The following ABCD3 variants were observed in gnomAD, a reference collection of about 807,000 sequenced individuals.
ABCD3 encodes the protein ATP-binding cassette sub-family D member 3.
A neutral mutation model predicts 105.5 loss-of-function variants in ABCD3; 41 were observed. The observed-to-expected ratio is 0.39, with a 90% CI of 0.30 to 0.50. The LOEUF (loss-of-function observed/expected upper bound fraction) is 0.50. Ranked by LOEUF, ABCD3 falls within the 20% of genes least tolerant of loss-of-function variation. The probability of loss-of-function intolerance (pLI) is 0.84; values close to 1 mark genes in which losing one functional copy is unlikely to be tolerated. For missense variants in ABCD3, 622 were observed against 806.3 expected (o/e 0.77, Z 2.77); for synonymous variants, 258 against 269.0 (o/e 0.96, Z 0.40).
the ABCD3 span, among the ~76,000 whole-genome samples, chr1:94,391,560 A>G: frequency 1.3e-5 from 2 of 152,108 alleles, no homozygotes; most frequent in Admixed American, 6.5e-5. Context: ...CCATGGCAAT[A>G]TCTTCTGTCA....
intron 10 of ABCD3, among the ~76,000 whole-genome samples, chr1:94,486,333 A>T: frequency 6.6e-6 from 1 of 152,212 alleles, no homozygotes; most frequent in East Asian, 1.9e-4. Context: ...ATACCGAGGG[A>T]TGACTGTATT....
At chr1:94,459,254 C>A (rs557014482) in intron 2 of ABCD3, among the ~76,000 whole-genome samples, 41 of 152,054 alleles carry the variant, frequency 2.7e-4, no homozygotes, top group African/African-American at 8.2e-4. Context: ...ATAGTTGTAT[C>A]TTACGAGTCT....
At chr1:94,429,638 C>T (rs1341266817) in intron 1 of ABCD3, among the ~76,000 whole-genome samples, 1 of 152,232 alleles carries the variant, frequency 6.6e-6, no homozygotes, top group Non-Finnish European at 1.5e-5. Flanking sequence ...TTGGCAGCTT[C>T]TATGTGGTGT....
intron 16 of ABCD3, among the ~76,000 whole-genome samples, chr1:94,492,394 T>C (rs1460097449): frequency 6.6e-6 from 1 of 152,190 alleles, no homozygotes; most frequent in African/African-American, 2.4e-5. Flanking sequence ...ATGTCTACTT[T>C]CTTCTCAATG....
the ABCD3 span, among the ~76,000 whole-genome samples, chr1:94,393,137 G>T: frequency 4.7e-5 from 7 of 149,448 alleles, no homozygotes; most frequent in African/African-American, 1.7e-4. Flanking sequence ...AAAAGAAGAA[G>T]AAAGAAAGAA....
chr1:94,495,044 A>G (rs148465860), intron 16 of ABCD3, among the ~76,000 whole-genome samples: 1 of 152,250 alleles, frequency 6.6e-6, no homozygotes, highest in African/African-American at 2.4e-5. Context: ...TCGCACCACT[A>G]TACTCCAGTC....
At chr1:94,416,854 G>C (rs559351366), upstream of ABCD3, among the ~76,000 whole-genome samples, 46 of 152,316 alleles carry the variant, frequency 3.0e-4, no homozygotes, top group African/African-American at 1.0e-3. Flanking sequence ...AAGGAATGGT[G>C]CTCAGAAGGC....
At chr1:94,412,644 T>C in the ABCD3 span, among the ~76,000 whole-genome samples, 1 of 152,206 alleles carries the variant, frequency 6.6e-6, no homozygotes, top group East Asian at 1.9e-4. Flanking sequence ...TGGAGTGGAA[T>C]TCTGGGTCAA....
chr1:94,516,115 A>C (rs1650908952), intron 22 of ABCD3, among the ~76,000 whole-genome samples: 1 of 152,000 alleles, frequency 6.6e-6, no homozygotes, highest in Admixed American at 6.6e-5. Flanking sequence ...TGTAGATGAT[A>C]GTCTACAAGT....
chr1:94,440,130 G>C (rs1660078499), intron 1 of ABCD3, among the ~76,000 whole-genome samples: 1 of 152,170 alleles, frequency 6.6e-6, no homozygotes, highest in Admixed American at 6.5e-5. Flanking sequence ...TTCATTGTCT[G>C]TAGGGATATT....
intron 1 of ABCD3, among the ~76,000 whole-genome samples, chr1:94,448,461 G>A (rs971145577): frequency 2.0e-5 from 3 of 152,176 alleles, no homozygotes; most frequent in Non-Finnish European, 1.5e-5. Context: ...TTTACAGATG[G>A]GTCTAGTAAC....
At chr1:94,454,699 T>G (rs1647456900) in intron 1 of ABCD3, among the ~76,000 whole-genome samples, 1 of 152,248 alleles carries the variant, frequency 6.6e-6, no homozygotes, top group African/African-American at 2.4e-5. Flanking sequence ...TCACCCAAGC[T>G]GGAGTGCAGT....
chr1:94,465,470 CT>C (rs1648091414), intron 3 of ABCD3, among the ~76,000 whole-genome samples: 2 of 152,222 alleles, frequency 1.3e-5, no homozygotes, highest in South Asian at 4.1e-4. Flanking sequence ...ATAGTTTTCT[CT>C]TGTTTCTGAA....
At position 94,462,403 on chromosome 1, in the gene ABCD3, T is replaced by G. The variant is rs890163749; in HGVS notation, c.148-2372T>G. On this transcript the variant is annotated intron_variant, in intron 2 of 22. Coordinates refer to ENST00000370214, the MANE Select transcript of ABCD3 (RefSeq NM_002858.4). ...AGGTAGAGTTTTGCTGTGATCAAGA[T>G]TCCTGACATCTCTTTGAATTCAGCC... Among the ~76,000 whole-genome samples the G allele has an allele frequency of 3.3e-5, 5 of 152,306 alleles. No individual in the cohort carries two copies. The East Asian group carries it at 5.8e-4, about 18-fold the overall frequency.
At chr1:94,463,245 TC>T (rs962004088) in intron 2 of ABCD3, among the ~76,000 whole-genome samples, 2 of 152,186 alleles carry the variant, frequency 1.3e-5, no homozygotes, top group African/African-American at 4.8e-5. Flanking sequence ...CTTTTCCAGT[TC>T]CTCCTATTGT....
intron 3 of ABCD3, among the ~76,000 whole-genome samples, chr1:94,465,387 A>G (rs947891544): frequency 2.6e-5 from 4 of 152,208 alleles, no homozygotes; most frequent in African/African-American, 9.6e-5. Flanking sequence ...CTGTAGGTCA[A>G]GAAGATTACT....
chr1:94,484,712 C>A (rs1439662307), intron 10 of ABCD3, among the ~76,000 whole-genome samples: 3 of 152,036 alleles, frequency 2.0e-5, no homozygotes, highest in Admixed American at 2.0e-4. Context: ...GTGCAGCACA[C>A]CAACATGGCA....
chr1:94,395,984 T>G, the ABCD3 span, among the ~76,000 whole-genome samples: 1 of 152,166 alleles, frequency 6.6e-6, no homozygotes, highest in Non-Finnish European at 1.5e-5. Flanking sequence ...CCTCCAATCT[T>G]TAAACCTGGA....
At chr1:94,484,552 T>G (rs1037996432) in intron 10 of ABCD3, among the ~76,000 whole-genome samples, 1 of 152,090 alleles carries the variant, frequency 6.6e-6, no homozygotes, top group African/African-American at 2.4e-5. Flanking sequence ...AACCAAACAC[T>G]GCATGTTCTC....
Sources: gnomAD v4.1 joint callset for allele counts (sites outside exome capture counted in the v4.1 genomes callset) on GRCh38, gnomAD v4.1.1 for gene constraint, MANE v1.5 for transcripts, NCBI Gene and HGNC (gene_info 2026-07-23, HGNC 2026-07-21) for gene names.